PACRG: variants seen among roughly 807,000 people sequenced by gnomAD.
The protein encoded by PACRG is parkin coregulated, also known as parkin coregulated gene protein.
A neutral mutation model predicts 29.7 loss-of-function variants in PACRG; 29 were observed. The ratio of observed to expected loss-of-function variants is 0.98; its 90% CI spans 0.73 to 1.33. The LOEUF is 1.33. Ranked by LOEUF, PACRG falls within the 40% of genes most tolerant of loss-of-function variation. PACRG has a pLI of 0.00. For missense variants in PACRG, 279 were observed against 316.2 expected, an observed-to-expected ratio of 0.88 and a Z score of 0.89; for synonymous variants, 116 against 118.7, an observed-to-expected ratio of 0.98 and a Z score of 0.15.
rs970517588 is a variant in PACRG, at chr6:163,157,284, G to C, written c.613+67876G>C. On this transcript the variant is annotated intron_variant, in intron 4 of 4. Coordinates refer to ENST00000366888, the MANE Select transcript of PACRG (RefSeq NM_001080379.2). ...GACTGCCTCTGTGTCTACTAGTTCTGCTCTTTGACCTTGAGTGGCCTTACC... is the reference window on the plus strand; with the variant it reads ...GACTGCCTCTGTGTCTACTAGTTCTCCTCTTTGACCTTGAGTGGCCTTACC... Among the ~76,000 whole-genome samples, 8 of 152,188 alleles carry C rather than the reference G, an allele frequency of 5.3e-5. No individual in the cohort carries two copies. In the South Asian group the frequency reaches 1.7e-3, roughly 31 times the overall value.
chr6:162,922,229 C>T (rs928232530), intron 2 of PACRG, among the ~76,000 whole-genome samples: 5 of 148,972 alleles, frequency 3.4e-5, no homozygotes, highest in African/African-American at 1.2e-4. Context: ...CTCCTTCCTG[C>T]CTATGTTATT....
chr6:162,825,104 A>G (rs1788166083), intron 2 of PACRG, among the ~76,000 whole-genome samples: 1 of 152,154 alleles, frequency 6.6e-6, no homozygotes, highest in Admixed American at 6.5e-5. Flanking sequence ...AATAAATTTT[A>G]CCTTTAAAAT....
chr6:163,247,456 CT>C (rs1009853404), intron 4 of PACRG, among the ~76,000 whole-genome samples: 3 of 152,110 alleles, frequency 2.0e-5, no homozygotes, highest in African/African-American at 7.2e-5. Flanking sequence ...AGTTTATCTT[CT>C]AAAAAATTAA....
chr6:162,813,997 C>A, intron 1 of PACRG, 150 bp from the exon 2 acceptor site: 1 of 764,210 alleles, frequency 1.3e-6, no homozygotes, highest in Non-Finnish European at 1.9e-6. Flanking sequence ...TTTGTATTAA[C>A]AGATTTCTGT....
At chr6:162,858,153 T>C (rs1791559202) in intron 2 of PACRG, among the ~76,000 whole-genome samples, 1 of 152,234 alleles carries the variant, frequency 6.6e-6, no homozygotes, top group South Asian at 2.1e-4. Context: ...AAGAACTACC[T>C]GAGACTGCAT....
At chr6:162,947,626 AT>A (rs1467960230) in intron 2 of PACRG, among the ~76,000 whole-genome samples, 8 of 57,158 alleles carry the variant, frequency 1.4e-4, no homozygotes, top group African/African-American at 5.6e-4. Flanking sequence ...ATATATATAT[AT>A]ATATATATAT....
At chr6:163,139,381 T>TCCTAATACGGTACATTTGTA (rs1817064329) in intron 4 of PACRG, among the ~76,000 whole-genome samples, 2 of 151,700 alleles carry the variant, frequency 1.3e-5, no homozygotes, top group Non-Finnish European at 2.9e-5. Flanking sequence ...AAGACCCTTA[T>TCCTAATACGGTACATTTGTA]CCTAATAAGG....
intron 3 of PACRG, among the ~76,000 whole-genome samples, chr6:163,081,480 G>A (rs1813067280): frequency 6.6e-6 from 1 of 152,166 alleles, no homozygotes; most frequent in South Asian, 2.1e-4. Context: ...AGGTGAAAAG[G>A]CATGGTGGCT....
At chr6:163,121,405 G>A (rs1188161165) in intron 4 of PACRG, among the ~76,000 whole-genome samples, 2 of 152,048 alleles carry the variant, frequency 1.3e-5, no homozygotes, top group East Asian at 1.9e-4. Flanking sequence ...CTATTCGATG[G>A]ATTATCTGTC....
In PACRG at chr6:162,947,495, T is replaced by C. The variant is rs1584833201; in HGVS notation, c.292-114655T>C. 3.3e-5 allele frequency among the ~76,000 whole-genome samples: 4 copies of C among 122,402 alleles called. No homozygotes were observed. In the Admixed American group the frequency reaches 3.7e-4, roughly 11 times the overall value. 80.3% of individuals were successfully genotyped at this position (122,402 alleles called of 152,430 possible). ...AATATATATATAATCATATATATAC[T>C]CATATATATATAATCTATATATATA... On this transcript the variant is annotated intron_variant, in intron 2 of 4. Transcript: ENST00000366888.
At position 162,849,227 on chromosome 6, in the gene PACRG, G is replaced by A. The variant is rs576411145; in HGVS notation, c.291+34946G>A. On this transcript the variant is annotated intron_variant, in intron 2 of 4. Coordinates refer to ENST00000366888, the MANE Select transcript of PACRG (RefSeq NM_001080379.2). Reference sequence around the variant, plus strand: ...GAAAAAAGGACCCTTTAAGACAGTCGTTAAGCTTTAATTAATCACACACAT... The same window carrying A: ...GAAAAAAGGACCCTTTAAGACAGTCATTAAGCTTTAATTAATCACACACAT... Among the ~76,000 whole-genome samples, 41 of 152,300 alleles carry A rather than the reference G, an allele frequency of 2.7e-4. 1 individual carries two copies. The South Asian group carries it at 5.4e-3, about 20-fold the overall frequency.
intron 2 of PACRG, among the ~76,000 whole-genome samples, chr6:162,815,824 A>G (rs1445423444): frequency 1.3e-5 from 2 of 152,094 alleles, no homozygotes; most frequent in African/African-American, 4.8e-5. Flanking sequence ...CTCCAAGATA[A>G]TACAATGGAG....
At chr6:163,029,791 A>T (rs983900326) in intron 2 of PACRG, among the ~76,000 whole-genome samples, 4 of 152,156 alleles carry the variant, frequency 2.6e-5, no homozygotes, top group African/African-American at 7.2e-5. Context: ...ACTTGATGCC[A>T]TTGCTGAACC....
chr6:163,042,308 A>C (rs902415721), intron 2 of PACRG, among the ~76,000 whole-genome samples: 2 of 152,326 alleles, frequency 1.3e-5, no homozygotes, highest in East Asian at 3.9e-4. Flanking sequence ...AGCTGGAAAG[A>C]GCAGAAAAAA....
chr6:162,829,097 T>C (rs986966964), intron 2 of PACRG, among the ~76,000 whole-genome samples: 2 of 152,236 alleles, frequency 1.3e-5, no homozygotes, highest in African/African-American at 4.8e-5. Context: ...AGCAAATCCA[T>C]TTTTTGTGTC....
Position 162,777,982 on chromosome 6 carries a change from G to A in PACRG, c.157-36165G>A, listed in dbSNP as rs573526543. 6.6e-6 allele frequency among the ~76,000 whole-genome samples: 1 copy of A among 152,000 alleles called. No homozygotes were observed. Among genetic ancestry groups the A allele is most frequent in the African/African-American group, 2.4e-5 (1 of 41,424 alleles). ...TTTGGGCCAAACACTGTTTTGGCCC[G>A]TAAGTATGTAGTTGTGAGCTAACCG... On this transcript the variant is annotated intron_variant, in intron 1 of 4. Transcript: ENST00000366888. This position sits in a 1 kb window ranked among gnomAD's most constrained non-coding sequence, Gnocchi z 4.0.
intron 4 of PACRG, among the ~76,000 whole-genome samples, chr6:163,175,742 C>A (rs2128349844): frequency 1.1e-5 from 1 of 88,146 alleles, no homozygotes; most frequent in African/African-American, 4.7e-5. Context: ...CAGCACCTGT[C>A]AAAGGAGGAG....
intron 1 of PACRG, among the ~76,000 whole-genome samples, chr6:162,795,465 T>G (rs1785297908): frequency 6.6e-6 from 1 of 152,166 alleles, no homozygotes; most frequent in African/African-American, 2.4e-5. Context: ...ACTTTGTGAT[T>G]TATTGAATAT....
chr6:163,065,636 A>G (rs1168739085), intron 3 of PACRG, among the ~76,000 whole-genome samples: 1 of 152,244 alleles, frequency 6.6e-6, no homozygotes. Flanking sequence ...GAATACCTCA[A>G]CAACATCTGG....
Sources: gnomAD v4.1 joint callset for allele counts (sites outside exome capture counted in the v4.1 genomes callset) on GRCh38, gnomAD v4.1.1 for gene constraint, Gnocchi (gnomAD v3.1) non-coding constraint, MANE v1.5 for transcripts, NCBI Gene and HGNC (gene_info 2026-07-23, HGNC 2026-07-21) for gene names.